LOXHD1: variants seen among roughly 807,000 people sequenced by gnomAD.
LOXHD1 encodes the protein lipoxygenase homology domain-containing protein 1.
In LOXHD1, 205 loss-of-function variants were observed where a neutral mutation model predicts 248.2. The ratio of observed to expected loss-of-function variants is 0.83; its 90% confidence interval spans 0.74 to 0.93. The LOEUF (loss-of-function observed/expected upper bound fraction) is 0.93. Among genes scored for constraint, LOXHD1 ranks in the 40% least tolerant of loss-of-function variants. The pLI is 0.00. For synonymous variants in LOXHD1, 1,113 were observed against 1,162.8 expected (o/e 0.96, Z 0.87); for missense variants, 2,930 against 2,971.6 (o/e 0.99, Z 0.33).
intron 28 of LOXHD1, among the ~76,000 whole-genome samples, chr18:46,531,845 G>A (rs1461400451): frequency 6.6e-6 from 1 of 152,214 alleles, no homozygotes; most frequent in Non-Finnish European, 1.5e-5. Context: ...TCCAAGTTGA[G>A]AAGGAAGTTA....
intron 21 of LOXHD1, among the ~76,000 whole-genome samples, chr18:46,552,476 G>T (rs543283910): frequency 6.6e-6 from 1 of 152,196 alleles, no homozygotes; most frequent in East Asian, 1.9e-4. Flanking sequence ...ACCATCTTAG[G>T]CTTCTCTGCT....
intron 25 of LOXHD1, among the ~76,000 whole-genome samples, chr18:46,539,054 G>A (rs761967766): frequency 3.3e-5 from 5 of 152,346 alleles, no homozygotes; most frequent in Non-Finnish European, 4.4e-5. Flanking sequence ...AATCAGTGCT[G>A]TTAGCAAGCA....
At chr18:46,655,032 A>G (rs539544201) in intron 1 of LOXHD1, among the ~76,000 whole-genome samples, 3 of 152,332 alleles carry the variant, frequency 2.0e-5, no homozygotes, top group East Asian at 1.9e-4. Context: ...CATCTGAAAA[A>G]AAAGGATAAC....
chr18:46,506,135 A>C, intron 36 of LOXHD1, 112 bp from the exon 37 acceptor site: 1 of 1,178,862 alleles, frequency 8.5e-7, no homozygotes, highest in Non-Finnish European at 1.2e-6. Flanking sequence ...AGGTGGACAG[A>C]GTACAGACTC....
At position 46,505,987 on chromosome 18, in the gene LOXHD1, A is replaced by T. The variant is rs1342433377; in HGVS notation, c.5729T>A (p.Phe1910Tyr). ...TGTCCCACTATCCCCGTTCTCCCCGAAGATGATGATGAACACGTTGGCATC... is the reference window on the plus strand; with the variant it reads ...TGTCCCACTATCCCCGTTCTCCCCGTAGATGATGATGAACACGTTGGCATC... ...GTDANVFIII[F>Y]GENGDSGTLA... Residue 1910 changes from phenylalanine to tyrosine, a missense_variant, in exon 37 of 41, where the codon TTC becomes TAC. By Grantham distance (22) the Phe-to-Tyr change is conservative. Transcript: ENST00000642948. The T allele has an allele frequency of 1.9e-6, 3 of 1,552,130 alleles. No individual in the cohort carries two copies. The highest frequency in any genetic ancestry group is 3.9e-5 in the Admixed American group (2 of 50,996).
In LOXHD1 at chr18:46,571,045, G is replaced by A. The variant is rs537044685; in HGVS notation, c.2047+1041C>T. On this transcript the variant is annotated intron_variant, in intron 15 of 40. Transcript: ENST00000642948. ...TGCTGGGGTTGTGGAGGGGGAATAG[G>A]GGTCCTTTTGCCACAGGCATCTTAT... Among the ~76,000 whole-genome samples, 16 of 152,242 alleles carry A rather than the reference G, an allele frequency of 1.1e-4. No individual in the cohort carries two copies. In the East Asian group the frequency reaches 2.9e-3, roughly 28 times the overall value.
chr18:46,562,747 A>G (rs2037555362), intron 18 of LOXHD1, among the ~76,000 whole-genome samples: 2 of 152,122 alleles, frequency 1.3e-5, no homozygotes. Flanking sequence ...GAGCTTTTCA[A>G]CGTACACCCA....
intron 34 of LOXHD1, among the ~76,000 whole-genome samples, chr18:46,510,752 T>G (rs944127092): frequency 6.6e-6 from 1 of 152,316 alleles, no homozygotes; most frequent in Admixed American, 6.5e-5. Context: ...TTAAAGGTGG[T>G]GGTGAAACAG....
At chr18:46,502,282 G>A (rs144547579) in intron 37 of LOXHD1, among the ~76,000 whole-genome samples, 39 of 152,308 alleles carry the variant, frequency 2.6e-4, no homozygotes, top group Middle Eastern at 6.8e-3. Flanking sequence ...GGCAGGAATG[G>A]CTGAAAGGAC....
chr18:46,631,742 C>T (rs750837664), intron 4 of LOXHD1, among the ~76,000 whole-genome samples: 9 of 152,172 alleles, frequency 5.9e-5, no homozygotes, highest in African/African-American at 1.7e-4. Context: ...GGGCAGGCCC[C>T]GGGGCTCCAG....
chr18:46,538,275 T>C lies in LOXHD1; in HGVS notation c.3976A>G (p.Ile1326Val). The C allele has an allele frequency of 6.4e-7, 1 of 1,551,542 alleles. No homozygotes were observed. The highest frequency in any genetic ancestry group is 8.7e-7 in the Non-Finnish European group (1 of 1,146,834). Residue 1326 changes from isoleucine (I) to valine (V), a missense_variant, in exon 26 of 41, where the codon ATC becomes GTC. Transcript: ENST00000642948. Reference sequence around the variant, plus strand: ...TCGCAGCCATAGATGATGATGAAGATGTTGGCATCTGTCCCAGCAGCAAAG... The same window carrying C: ...TCGCAGCCATAGATGATGATGAAGACGTTGGCATCTGTCCCAGCAGCAAAG... ...DVFAAGTDAN[I>V]FIIIYGCDAV...
At position 46,545,627 on chromosome 18, in the gene LOXHD1, C is replaced by CTTTTTTTTTTTTTTTTTT. The variant is rs56323729; in HGVS notation, c.3515-224_3515-207dup. Among the ~76,000 whole-genome samples, 15 of 92,242 alleles carry CTTTTTTTTTTTTTTTTTT rather than the reference C, an allele frequency of 1.6e-4. 3 individuals are homozygous for CTTTTTTTTTTTTTTTTTT. The highest frequency in any genetic ancestry group is 6.8e-4 in the African/African-American group (14 of 20,508). 60.5% of individuals were successfully genotyped at this position (92,242 alleles called of 152,430 possible). A position where few individuals can be genotyped will look rare whatever the true frequency, so the allele number is the denominator to read the frequency against. On this transcript the variant is annotated intron_variant, in intron 22 of 40. Transcript: ENST00000642948. ...GTTTCTATGTTCCTCTTGGCCATTT[C>CTTTTTTTTTTTTTTTTTT]TTTTTTTTTTTTTTTTTTTTGAGAC...
chr18:46,633,743 A>T (rs2038857334), intron 4 of LOXHD1, among the ~76,000 whole-genome samples: 1 of 152,248 alleles, frequency 6.6e-6, no homozygotes, highest in Non-Finnish European at 1.5e-5. Context: ...TAATACCCAG[A>T]ATATGTAACA....
At chr18:46,570,745 A>G (rs1253599647) in intron 15 of LOXHD1, among the ~76,000 whole-genome samples, 1 of 152,206 alleles carries the variant, frequency 6.6e-6, no homozygotes, top group African/African-American at 2.4e-5. Flanking sequence ...ATAGCTGATG[A>G]GTTAAAAAAA....
At chr18:46,520,977 C>T (rs2035547941) in intron 33 of LOXHD1, 120 bp downstream of exon 33, 11 of 1,194,826 alleles carry the variant, frequency 9.2e-6, no homozygotes, top group South Asian at 7.7e-5. Context: ...CAGGCTGCAG[C>T]GCCTGCGGAT....
In LOXHD1 at chr18:46,507,535, C is replaced by T. The variant is rs1292699530; in HGVS notation, c.5692+3G>A. Reference sequence around the variant, plus strand: ...CGGGAGGTGTGAGGGACCCCCGACCCACCCAGGATGTCGCTGGTCTTAACT... The same window carrying T: ...CGGGAGGTGTGAGGGACCCCCGACCTACCCAGGATGTCGCTGGTCTTAACT... On this transcript the variant is annotated splice_donor_region_variant and intron_variant, in intron 36 of 40. Coordinates refer to ENST00000642948, the MANE Select transcript of LOXHD1 (RefSeq NM_001384474.1). 1.9e-6 allele frequency: 3 copies of T among 1,551,704 alleles called. No homozygotes were observed. The highest frequency in any genetic ancestry group is 2.6e-6 in the Non-Finnish European group (3 of 1,146,976).
rs564814452 is a variant in LOXHD1 at position 46,597,454 on chromosome 18, A to G, written c.1135-2988T>C. Among the ~76,000 whole-genome samples the G allele has an allele frequency of 2.0e-5, 3 of 152,264 alleles. 1 individual carries two copies. The South Asian group carries it at 6.2e-4, about 32-fold the overall frequency. ...GGCTATAATAATTCTGTGCTTAGTA[A>G]CATAGCCTCAAACTATATAAAGCAA... On this transcript the variant is annotated intron_variant, in intron 8 of 40. Transcript: ENST00000642948.
chr18:46,533,148 C>T lies in LOXHD1; in HGVS notation c.4375+14G>A. 1 of 1,551,432 alleles carries T rather than the reference C, an allele frequency of 6.4e-7. No homozygotes were observed. Among genetic ancestry groups the T allele is most frequent in the South Asian group, 1.2e-5 (1 of 84,020 alleles). ...GCCTTCCCATGGTGATGAGGGTGGC[C>T]ACACCACACTTACTGTCCAGAGGCT... On this transcript the variant is annotated intron_variant, in intron 28 of 40. Coordinates refer to ENST00000642948, the MANE Select transcript of LOXHD1 (RefSeq NM_001384474.1).
intron 29 of LOXHD1, among the ~76,000 whole-genome samples, chr18:46,527,836 G>T (rs930798557): frequency 6.6e-6 from 1 of 152,180 alleles, no homozygotes; most frequent in Non-Finnish European, 1.5e-5. Context: ...CAGCCCAGAG[G>T]TCTAATTAGC....
Sources: allele counts gnomAD v4.1 joint callset (sites outside exome capture counted in the v4.1 genomes callset), GRCh38; gene constraint gnomAD v4.1.1; transcripts MANE v1.5; gene names NCBI Gene and HGNC (gene_info 2026-07-23, HGNC 2026-07-21).